SDK1: variants seen among roughly 807,000 people sequenced by gnomAD.
SDK1 encodes the protein sidekick cell adhesion molecule 1.
In SDK1, 157 loss-of-function variants were observed where a neutral mutation model predicts 245.5. That is an observed-to-expected ratio of 0.64 (90% CI 0.56 to 0.73). The LOEUF is 0.73. SDK1 is among the 30% of genes least tolerant of loss of function. The probability of loss-of-function intolerance (pLI) is 0.00; values close to 1 mark genes in which losing one functional copy is unlikely to be tolerated. For missense variants in SDK1, 3,583 were observed against 3,002.3 expected (o/e 1.19, Z -4.52); for synonymous variants, 1,647 against 1,278.5 (o/e 1.29, Z -6.15).
intron 4 of SDK1, among the ~76,000 whole-genome samples, chr7:3,725,255 A>T (rs1296791810): frequency 6.6e-6 from 1 of 152,158 alleles, no homozygotes; most frequent in Non-Finnish European, 1.5e-5. Flanking sequence ...GGACTTTCAC[A>T]TGGTACTCCC....
intron 8 of SDK1, among the ~76,000 whole-genome samples, chr7:3,959,759 T>G (rs1434186692): frequency 6.6e-6 from 1 of 152,206 alleles, no homozygotes; most frequent in Non-Finnish European, 1.5e-5. Context: ...TATTCTTTTT[T>G]GTGGCCGAAT....
intron 1 of SDK1, among the ~76,000 whole-genome samples, chr7:3,476,328 T>A (rs1296926906): frequency 6.6e-6 from 1 of 152,186 alleles, no homozygotes; most frequent in Admixed American, 6.5e-5. Flanking sequence ...ATTTTTCAGT[T>A]GCCGTTACCG....
chr7:3,565,597 ATCTCTTG>A (rs1779886169), intron 1 of SDK1, among the ~76,000 whole-genome samples: 1 of 152,226 alleles, frequency 6.6e-6, no homozygotes, highest in South Asian at 2.1e-4. Context: ...ATAAACAGTC[ATCTCTTG>A]GTATCTGGAG....
intron 15 of SDK1, 84 bp downstream of exon 15, chr7:4,011,197 T>A (rs1785932308): frequency 1.3e-6 from 2 of 1,509,082 alleles, no homozygotes; most frequent in Admixed American, 1.9e-5. Flanking sequence ...TGTGGTGGAA[T>A]TGATCACAGC....
intron 1 of SDK1, among the ~76,000 whole-genome samples, chr7:3,493,630 A>T (rs1781932765): frequency 6.6e-6 from 1 of 152,192 alleles, no homozygotes; most frequent in Non-Finnish European, 1.5e-5. Flanking sequence ...GAATGTTAGG[A>T]ATGTTATCTT....
At chr7:3,403,856 TA>T (rs1778970874) in intron 1 of SDK1, among the ~76,000 whole-genome samples, 1 of 106,252 alleles carries the variant, frequency 9.4e-6, no homozygotes, top group African/African-American at 4.4e-5. Flanking sequence ...TATATATATA[TA>T]TATATATATA....
intron 32 of SDK1, among the ~76,000 whole-genome samples, chr7:4,164,205 C>G (rs1291851782): frequency 6.6e-6 from 1 of 152,244 alleles, no homozygotes; most frequent in East Asian, 1.9e-4. Context: ...GGCCCCACCT[C>G]TGCCCCTGGG....
At position 3,835,033 on chromosome 7, in the gene SDK1, CCT is replaced by C. The variant is rs1023116955; in HGVS notation, c.847+13454_847+13455del. 2.6e-5 allele frequency among the ~76,000 whole-genome samples: 4 copies of C among 152,268 alleles called. No homozygotes were observed. The South Asian group carries it at 8.3e-4, about 32-fold the overall frequency. On this transcript the variant is annotated intron_variant, in intron 5 of 44. Coordinates refer to ENST00000404826, the MANE Select transcript of SDK1 (RefSeq NM_152744.4). The stretch of plus-strand genomic sequence containing the variant: ...TGCAATGTTTTCCTTTGTTTTTCTG[CCT>C]CTCCTTTTTCTCCTTGGAGATCGCA...
intron 40 of SDK1, among the ~76,000 whole-genome samples, chr7:4,231,441 C>T (rs950100734): frequency 3.3e-5 from 5 of 151,126 alleles, no homozygotes; most frequent in East Asian, 1.9e-4. Flanking sequence ...GGCGTGGTGG[C>T]GCATGCCTGT....
chr7:3,715,572 G>T (rs1353732120), intron 4 of SDK1, among the ~76,000 whole-genome samples: 1 of 152,164 alleles, frequency 6.6e-6, no homozygotes, highest in African/African-American at 2.4e-5. Context: ...AGACCCTACA[G>T]AACAAAGGAG....
At chr7:3,858,741 T>C (rs1244290545) in intron 5 of SDK1, among the ~76,000 whole-genome samples, 2 of 151,136 alleles carry the variant, frequency 1.3e-5, no homozygotes, top group Non-Finnish European at 2.9e-5. Context: ...TCAAAGTGTA[T>C]TGCAAACATC....
chr7:4,250,878 C>A (rs1243846358), intron 44 of SDK1, among the ~76,000 whole-genome samples: 1 of 152,066 alleles, frequency 6.6e-6, no homozygotes, highest in Non-Finnish European at 1.5e-5. Context: ...TGCAATCATC[C>A]CCACAATTTT....
intron 5 of SDK1, among the ~76,000 whole-genome samples, chr7:3,892,978 A>G (rs1291937964): frequency 6.6e-6 from 1 of 152,150 alleles, no homozygotes; most frequent in Non-Finnish European, 1.5e-5. Flanking sequence ...CCTTCCCAGG[A>G]GGCCGAGCTG....
At chr7:3,810,728 G>T (rs1167326417) in intron 4 of SDK1, among the ~76,000 whole-genome samples, 2 of 152,142 alleles carry the variant, frequency 1.3e-5, no homozygotes, top group African/African-American at 2.4e-5. Context: ...TAAAGGAAAA[G>T]AATCAATTCT....
At chr7:4,158,088 G>A (rs998554837) in intron 30 of SDK1, among the ~76,000 whole-genome samples, 1 of 152,154 alleles carries the variant, frequency 6.6e-6, no homozygotes, top group African/African-American at 2.4e-5. Flanking sequence ...TCCAGTGAGG[G>A]GTTGGCACTG....
chr7:3,754,780 C>T (rs952201498), intron 4 of SDK1, among the ~76,000 whole-genome samples: 6 of 152,044 alleles, frequency 3.9e-5, no homozygotes, highest in African/African-American at 9.7e-5. Flanking sequence ...AGATAGTACC[C>T]GATTCACTAA....
chr7:3,797,538 A>C (rs1042134908), intron 4 of SDK1, among the ~76,000 whole-genome samples: 3 of 151,956 alleles, frequency 2.0e-5, no homozygotes, highest in Non-Finnish European at 2.9e-5. Context: ...CATATTTTAT[A>C]TGCTTTACTC....
At chr7:3,989,762 T>C (rs1022462469) in intron 14 of SDK1, among the ~76,000 whole-genome samples, 3 of 152,176 alleles carry the variant, frequency 2.0e-5, no homozygotes, top group Non-Finnish European at 4.4e-5. Flanking sequence ...ATTATTGAGA[T>C]AACTCACTTT....
At chr7:4,007,884 A>G (rs1785612900) in intron 14 of SDK1, among the ~76,000 whole-genome samples, 1 of 152,104 alleles carries the variant, frequency 6.6e-6, no homozygotes, top group South Asian at 2.1e-4. Flanking sequence ...GATTACAGGC[A>G]TTGTTTTAAT....
Sources: allele counts gnomAD v4.1 joint callset (sites outside exome capture counted in the v4.1 genomes callset), GRCh38; gene constraint gnomAD v4.1.1; transcripts MANE v1.5; gene names NCBI Gene and HGNC (gene_info 2026-07-23, HGNC 2026-07-21).